The following BDH1 variants were observed in gnomAD, a reference collection of about 807,000 sequenced individuals.
BDH1 encodes 3-hydroxybutyrate dehydrogenase 1, also known as D-beta-hydroxybutyrate dehydrogenase, mitochondrial.
BDH1 carries 30 observed loss-of-function variants against 33.1 expected under a neutral mutation model. That is an observed-to-expected ratio of 0.91 (90% CI 0.68 to 1.23). BDH1 has a LOEUF of 1.23. Ranked by LOEUF, BDH1 falls within the 50% of genes most tolerant of loss-of-function variation. The probability of loss-of-function intolerance (pLI) is 0.00; values close to 1 mark genes in which losing one functional copy is unlikely to be tolerated. For missense variants in BDH1, 443 were observed against 464.4 expected (o/e 0.95, Z 0.42); for synonymous variants, 190 against 183.6 (o/e 1.03, Z -0.28).
intron 4 of BDH1, 140 bp downstream of exon 4, chr3:197,533,349 G>A (rs758653380): frequency 2.2e-5 from 18 of 822,174 alleles, no homozygotes; most frequent in Non-Finnish European, 2.6e-5. Flanking sequence ...GGGGCTTTGG[G>A]GGAGGGTTAA....
At chr3:197,533,411 G>A in intron 4 of BDH1, 78 bp downstream of exon 4, 1 of 1,442,878 alleles carries the variant, frequency 6.9e-7, no homozygotes, top group African/African-American at 1.4e-5. Flanking sequence ...CACTCTGAGG[G>A]TAGCTCAGGG....
Position 197,555,796 on chromosome 3 carries a change from C to G in BDH1, c.-211G>C, listed in dbSNP as rs1376800421. 6.6e-6 allele frequency: 1 copy of G among 152,292 alleles called. No homozygotes were observed. The highest frequency in any genetic ancestry group is 1.5e-5 in the Non-Finnish European group (1 of 68,088). The allele number at this position is 152,292 out of a possible 1,614,324, so 9.4% of individuals were successfully genotyped here. ...CTCCTCTTACCCAAAACCAAATGGG[C>G]AGGGGGCTCCGCTGCAGAGGGCTCG... On this transcript the variant is annotated 5_prime_UTR_variant, in exon 1 of 8. Transcript: ENST00000392379.
upstream of BDH1, among the ~76,000 whole-genome samples, chr3:197,556,585 T>C (rs1237179020): frequency 6.6e-6 from 1 of 152,226 alleles, no homozygotes; most frequent in Non-Finnish European, 1.5e-5. Context: ...GGAGAATCGC[T>C]TGAACCCAGG....
Position 197,532,538 on chromosome 3 carries a change from A to G in BDH1, c.157-16T>C. The G allele has an allele frequency of 6.2e-7, 1 of 1,601,702 alleles. No individual in the cohort carries two copies. On this transcript the variant is annotated splice_polypyrimidine_tract_variant and intron_variant, in intron 4 of 7. Coordinates refer to ENST00000392379, the MANE Select transcript of BDH1 (RefSeq NM_203314.3). Reference sequence around the variant, plus strand: ...TGCTGCCAACCTGTTTTACAAGGTCAGATTCCATGTTAGGAACCGGTGGTA... The same window carrying G: ...TGCTGCCAACCTGTTTTACAAGGTCGGATTCCATGTTAGGAACCGGTGGTA...
At chr3:197,542,140 C>G (rs1408772383) in intron 3 of BDH1, among the ~76,000 whole-genome samples, 1 of 152,188 alleles carries the variant, frequency 6.6e-6, no homozygotes, top group East Asian at 1.9e-4. Context: ...TGGACTGAGG[C>G]TGGAGGTGAA....
chr3:197,546,356 C>T lies in BDH1; in HGVS notation c.83+5G>A. ...TCAAGGCCACCACCACCTCTGGTTGCTTACCTTGCTCCATTTTCTCTATCA... is the reference window on the plus strand; with the variant it reads ...TCAAGGCCACCACCACCTCTGGTTGTTTACCTTGCTCCATTTTCTCTATCA... On this transcript the variant is annotated splice_donor_5th_base_variant and intron_variant, in intron 3 of 7. Transcript: ENST00000392379. 1.2e-6 allele frequency: 2 copies of T among 1,614,082 alleles called. No homozygotes were observed. Among genetic ancestry groups the T allele is most frequent in the Non-Finnish European group, 1.7e-6 (2 of 1,180,008 alleles).
At chr3:197,512,499 G>A in intron 7 of BDH1, 135 bp from the exon 8 acceptor site, 1 of 881,432 alleles carries the variant, frequency 1.1e-6, no homozygotes. Flanking sequence ...CAATAGGCAA[G>A]GCCAGCTCAG....
intron 3 of BDH1, among the ~76,000 whole-genome samples, chr3:197,542,462 A>T (rs1306767052): frequency 6.6e-6 from 1 of 151,010 alleles, no homozygotes; most frequent in Non-Finnish European, 1.5e-5. Context: ...TGCCGGTCTC[A>T]GTCTCTCGGG....
rs1455880934 is a variant in BDH1, at chr3:197,520,430, C to T, written c.409+2210G>A. Among the ~76,000 whole-genome samples the T allele has an allele frequency of 6.6e-6, 1 of 152,226 alleles. No homozygotes were observed. Among genetic ancestry groups the T allele is most frequent in the Non-Finnish European group, 1.5e-5 (1 of 68,042 alleles). On this transcript the variant is annotated intron_variant, in intron 6 of 7. Coordinates refer to ENST00000392379, the MANE Select transcript of BDH1 (RefSeq NM_203314.3). The surrounding 1 kb of genome is among the most constrained non-coding windows in gnomAD (Gnocchi z 6.0). ...TGGGGTTGGAGCCCAGATCCCCGGG[C>T]AGGGGGTGAGTGCCTCCCCTCTGTG...
At chr3:197,572,917 T>C (rs1276751591) in intron 1 of BDH1, among the ~76,000 whole-genome samples, 1 of 152,222 alleles carries the variant, frequency 6.6e-6, no homozygotes, top group Non-Finnish European at 1.5e-5. Flanking sequence ...TGCCTAATTC[T>C]TTTTCCAATT....
Position 197,514,379 on chromosome 3 carries a change from C to A in BDH1, c.447G>T (p.Thr149=), listed in dbSNP as rs374123564. 6 of 1,612,120 alleles carry A rather than the reference C, an allele frequency of 3.7e-6. No individual in the cohort carries two copies. The South Asian group carries it at 5.5e-5, about 15-fold the overall frequency. The change falls in exon 7 of 8, where the codon ACG becomes ACT. Residue 149 remains threonine, a synonymous_variant. Coordinates refer to ENST00000392379, the MANE Select transcript of BDH1 (RefSeq NM_203314.3). The surrounding 1 kb of genome is among the most constrained non-coding windows in gnomAD (Gnocchi z 4.2). ...WGLVNNAGIS[T]FGEVEFTSLE... is the part of the protein sequence containing the mutation. Reference sequence around the variant, plus strand: ...GGCTGGTGAACTCCACCTCCCCGAACGTTGAGATGCCGGCATTGTTAACGA... The same window carrying A: ...GGCTGGTGAACTCCACCTCCCCGAAAGTTGAGATGCCGGCATTGTTAACGA...
intron 7 of BDH1, among the ~76,000 whole-genome samples, chr3:197,513,887 G>A (rs375002305): frequency 1.3e-5 from 2 of 152,042 alleles, no homozygotes; most frequent in South Asian, 2.1e-4. Flanking sequence ...TTTAAACTAC[G>A]ATATAAATAA....
chr3:197,533,737 A>G, intron 3 of BDH1, 176 bp from the exon 4 acceptor site: 1 of 613,186 alleles, frequency 1.6e-6, no homozygotes, highest in East Asian at 2.8e-5. Flanking sequence ...AAAGTGAGCC[A>G]GTATTTGCTA....
chr3:197,569,245 A>C (rs1717528753), intron 1 of BDH1, among the ~76,000 whole-genome samples: 1 of 113,344 alleles, frequency 8.8e-6, no homozygotes, highest in Admixed American at 8.4e-5. Context: ...TTTGGAGTAC[A>C]GTTTTTTTTT....
intron 2 of BDH1, among the ~76,000 whole-genome samples, chr3:197,553,570 C>A (rs990827290): frequency 6.7e-6 from 1 of 150,066 alleles, no homozygotes; most frequent in African/African-American, 2.4e-5. Flanking sequence ...AAGAGGAGTG[C>A]CATTATCAGA....
At chr3:197,551,865 G>T (rs1396368712) in intron 2 of BDH1, among the ~76,000 whole-genome samples, 1 of 152,116 alleles carries the variant, frequency 6.6e-6, no homozygotes, top group Non-Finnish European at 1.5e-5. Flanking sequence ...ACAACTGCCA[G>T]ATCAAGTGGG....
intron 4 of BDH1, among the ~76,000 whole-genome samples, chr3:197,532,922 G>A (rs1714804550): frequency 6.6e-6 from 1 of 152,156 alleles, no homozygotes; most frequent in Non-Finnish European, 1.5e-5. Flanking sequence ...TGTTGCCCAG[G>A]CTGGAGGGCA....
At chr3:197,571,516 C>G (rs956882811) in intron 1 of BDH1, among the ~76,000 whole-genome samples, 1 of 152,138 alleles carries the variant, frequency 6.6e-6, no homozygotes, top group Non-Finnish European at 1.5e-5. Flanking sequence ...TGGTTCCCCC[C>G]GTAGTTTTCA....
At chr3:197,512,672 G>A (rs1425897333) in intron 7 of BDH1, among the ~76,000 whole-genome samples, 1 of 152,238 alleles carries the variant, frequency 6.6e-6, no homozygotes, top group Non-Finnish European at 1.5e-5. Flanking sequence ...ATAATTTGGG[G>A]TGAAAACACG....
Sources: gnomAD v4.1 joint callset for allele counts (sites outside exome capture counted in the v4.1 genomes callset) on GRCh38, gnomAD v4.1.1 for gene constraint, Gnocchi (gnomAD v3.1) non-coding constraint, MANE v1.5 for transcripts, NCBI Gene and HGNC (gene_info 2026-07-23, HGNC 2026-07-21) for gene names.